The following EPSTI1 variants were observed in gnomAD, a reference collection of about 807,000 sequenced individuals.
The protein encoded by EPSTI1 is epithelial stromal interaction 1.
EPSTI1 carries 66 observed loss-of-function variants against 49.9 expected under a neutral mutation model. The observed-to-expected ratio is 1.32, with a 90% confidence interval of 1.08 to 1.62. The LOEUF (loss-of-function observed/expected upper bound fraction) is 1.62. EPSTI1 is among the 40% of genes most tolerant of loss of function. The pLI is 0.00. For missense variants in EPSTI1, 394 were observed against 365.5 expected, an observed-to-expected ratio of 1.08 and a Z score of -0.64; for synonymous variants, 137 against 130.7, an observed-to-expected ratio of 1.05 and a Z score of -0.33.
intron 6 of EPSTI1, among the ~76,000 whole-genome samples, chr13:42,942,079 A>G (rs1230417908): frequency 6.6e-6 from 1 of 152,210 alleles, no homozygotes; most frequent in Non-Finnish European, 1.5e-5. Flanking sequence ...TTTGGATTAT[A>G]TATTTTATCT....
chr13:42,903,132 C>T (rs1327863975), intron 8 of EPSTI1, among the ~76,000 whole-genome samples: 4 of 152,142 alleles, frequency 2.6e-5, no homozygotes, highest in African/African-American at 7.2e-5. Flanking sequence ...AACAAACTAA[C>T]TCTCATTAGT....
rs568841434 is a variant in EPSTI1, at chr13:42,933,420, T to C, written c.564-6991A>G. Among the ~76,000 whole-genome samples, 19 of 147,752 alleles carry C rather than the reference T, an allele frequency of 1.3e-4. No homozygotes were observed. The East Asian group carries it at 3.5e-3, about 27-fold the overall frequency. ...ACAACCCCCCGAAATGGAACTATTT[T>C]ACTTCCATATACATATTCCTTGGTG... On this transcript the variant is annotated intron_variant, in intron 6 of 10. Transcript: ENST00000313624.
intron 6 of EPSTI1, among the ~76,000 whole-genome samples, chr13:42,947,767 G>T (rs2038963212): frequency 6.6e-6 from 1 of 152,180 alleles, no homozygotes. Context: ...AGACCAGTGG[G>T]CCTTTCTGTT....
intron 6 of EPSTI1, among the ~76,000 whole-genome samples, chr13:42,949,985 C>A (rs755264964): frequency 6.6e-6 from 1 of 152,144 alleles, no homozygotes; most frequent in South Asian, 2.1e-4. Context: ...TGTTACTTCA[C>A]GTCTTCCATC....
At chr13:42,984,567 T>G (rs1025672403) in intron 1 of EPSTI1, among the ~76,000 whole-genome samples, 3 of 152,220 alleles carry the variant, frequency 2.0e-5, no homozygotes, top group African/African-American at 4.8e-5. Flanking sequence ...TGATAAAAAT[T>G]TAACACTATA....
intron 7 of EPSTI1, among the ~76,000 whole-genome samples, chr13:42,918,709 AG>A (rs2037907690): frequency 2.0e-5 from 3 of 152,232 alleles, no homozygotes; most frequent in Non-Finnish European, 2.9e-5. Context: ...TCCTGTGTTC[AG>A]AAATCCCTGG....
At chr13:42,957,149 T>A (rs9525716) in intron 5 of EPSTI1, among the ~76,000 whole-genome samples, 1 of 151,988 alleles carries the variant, frequency 6.6e-6, no homozygotes, top group Non-Finnish European at 1.5e-5. Flanking sequence ...ATAGGAAGCA[T>A]GATGATAGGG....
chr13:42,985,150 G>A (rs1232260898), intron 1 of EPSTI1, among the ~76,000 whole-genome samples: 1 of 152,176 alleles, frequency 6.6e-6, no homozygotes, highest in East Asian at 1.9e-4. Flanking sequence ...AAGACAGTGA[G>A]AGAGGCCCTC....
intron 7 of EPSTI1, among the ~76,000 whole-genome samples, chr13:42,923,829 T>C (rs184999450): frequency 8.1e-4 from 124 of 152,370 alleles, no homozygotes; most frequent in South Asian, 1.4e-3. Context: ...CATAATTTTC[T>C]AGTATTTATT....
intron 8 of EPSTI1, among the ~76,000 whole-genome samples, chr13:42,911,985 TATA>T (rs780518636): frequency 3.6e-4 from 55 of 152,212 alleles, no homozygotes; most frequent in Non-Finnish European, 6.8e-4. Context: ...GTATGTGTTC[TATA>T]ATAATAATTT....
intron 1 of EPSTI1, among the ~76,000 whole-genome samples, chr13:42,975,074 G>C (rs2039855333): frequency 6.6e-6 from 1 of 152,090 alleles, no homozygotes; most frequent in African/African-American, 2.4e-5. Context: ...AAGACTTAGA[G>C]ATAATCAAAG....
intron 1 of EPSTI1, among the ~76,000 whole-genome samples, chr13:42,972,301 G>C (rs1249835099): frequency 6.6e-6 from 1 of 152,192 alleles, no homozygotes; most frequent in Non-Finnish European, 1.5e-5. Flanking sequence ...GAGCTTGAGA[G>C]TTTCTAATTC....
chr13:42,990,409 C>T (rs2040172565), intron 1 of EPSTI1, among the ~76,000 whole-genome samples: 1 of 152,126 alleles, frequency 6.6e-6, no homozygotes, highest in Non-Finnish European at 1.5e-5. Context: ...ACAGTTAATA[C>T]TTATGCGATG....
intron 8 of EPSTI1, among the ~76,000 whole-genome samples, chr13:42,915,232 A>G (rs557057406): frequency 2.6e-5 from 4 of 152,332 alleles, no homozygotes; most frequent in East Asian, 3.9e-4. Flanking sequence ...AAGGTTCTAC[A>G]AATAAAGAAA....
intron 1 of EPSTI1, among the ~76,000 whole-genome samples, chr13:42,980,628 A>C (rs1442238334): frequency 6.6e-6 from 1 of 152,076 alleles, no homozygotes; most frequent in Non-Finnish European, 1.5e-5. Flanking sequence ...CCCACAATAC[A>C]TGGTGATTAT....
At chr13:42,961,671 T>A (rs772274284) in intron 5 of EPSTI1, among the ~76,000 whole-genome samples, 21 of 152,200 alleles carry the variant, frequency 1.4e-4, no homozygotes, top group Non-Finnish European at 2.9e-4. Context: ...CACTAAATGC[T>A]GCACACAGAG....
intron 10 of EPSTI1, 98 bp downstream of exon 10, chr13:42,894,911 G>T: frequency 9.6e-7 from 1 of 1,042,430 alleles, no homozygotes; most frequent in Non-Finnish European, 1.4e-6. Flanking sequence ...CAACAAAAAC[G>T]TAATATCTGG....
At position 42,992,034 on chromosome 13, in the gene EPSTI1, CA is replaced by C. The variant is rs2040205386; in HGVS notation, c.131del (p.Leu44TrpfsTer26). The C allele has an allele frequency of 6.2e-7, 1 of 1,613,424 alleles. No homozygotes were observed. Among genetic ancestry groups the C allele is most frequent in the Non-Finnish European group, 8.5e-7 (1 of 1,180,046 alleles). ...LSPVEDQREG[L>X]EAAPKGPSRE... ...GCGAAGGGCCCTTAGGGGCTGCCTC[CA>C]AACCCTCTCTCTGGTCTTCCACGGG... is the stretch of plus-strand genomic sequence containing the variant. On this transcript the variant is annotated frameshift_variant, in exon 1 of 11. Transcript: ENST00000313624. LOFTEE classifies it high-confidence loss of function.
chr13:42,991,884 C>T, intron 1 of EPSTI1, 94 bp downstream of exon 1: 2 of 1,384,164 alleles, frequency 1.4e-6, no homozygotes, highest in East Asian at 2.3e-5. Context: ...TGTTGGGCCC[C>T]TGTGGTTTTA....
Sources: allele counts gnomAD v4.1 joint callset (sites outside exome capture counted in the v4.1 genomes callset), GRCh38; gene constraint gnomAD v4.1.1; transcripts MANE v1.5; gene names NCBI Gene and HGNC (gene_info 2026-07-23, HGNC 2026-07-21).